Variants in CAST observed in about 807,000 individuals in gnomAD.
CAST encodes MIR583 host.
Under a neutral mutation model 119.6 loss-of-function variants are expected in CAST, and 76 were observed. The ratio of observed to expected loss-of-function variants is 0.64; its 90% CI spans 0.53 to 0.77. CAST has a LOEUF of 0.77. Among genes scored for constraint, CAST ranks in the 30% least tolerant of loss-of-function variants. The probability of loss-of-function intolerance (pLI) is 0.00; values close to 1 mark genes in which losing one functional copy is unlikely to be tolerated. For missense variants in CAST, 953 were observed against 946.5 expected, an observed-to-expected ratio of 1.01 and a Z score of -0.09; for synonymous variants, 319 against 331.6, an observed-to-expected ratio of 0.96 and a Z score of 0.41.
intron 4 of CAST, among the ~76,000 whole-genome samples, chr5:96,726,351 C>G (rs1759244820): frequency 6.6e-6 from 1 of 152,166 alleles, no homozygotes; most frequent in South Asian, 2.1e-4. Context: ...AATTCGATCT[C>G]TGCATACAGG....
the CAST span, among the ~76,000 whole-genome samples, chr5:96,219,292 A>G: frequency 2.3e-4 from 35 of 152,260 alleles, no homozygotes; most frequent in Non-Finnish European, 1.2e-4. Context: ...TACTTCTATT[A>G]TGCATTCAGG....
chr5:96,769,836 CTG>C (rs1771597324), intron 29 of CAST: 1 of 149,354 alleles, frequency 6.7e-6, no homozygotes, highest in Non-Finnish European at 1.5e-5. Context: ...ACTTTTCTTT[CTG>C]TGTCTGGCTT....
At position 96,586,200 on chromosome 5, in the gene CAST, A is replaced by G. The variant is rs555276684; in HGVS notation, c.60+56320A>G. ...TTGCCCACTACTAGGTGGTGGTAGC[A>G]CTAGCTCTTTGAGGGTCAATAAGGT... On this transcript the variant is annotated intron_variant, in intron 1 of 11. Transcript: ENST00000505143. 3.9e-5 allele frequency among the ~76,000 whole-genome samples: 6 copies of G among 152,336 alleles called. No individual in the cohort carries two copies. The South Asian group carries it at 1.2e-3, about 32-fold the overall frequency.
intron 1 of CAST, among the ~76,000 whole-genome samples, chr5:96,543,399 G>A (rs1440792312): frequency 6.6e-6 from 1 of 152,118 alleles, no homozygotes; most frequent in Non-Finnish European, 1.5e-5. Flanking sequence ...GGGGCAAGGG[G>A]AGGGATAACA....
the CAST span, among the ~76,000 whole-genome samples, chr5:96,108,500 G>A: frequency 6.6e-6 from 1 of 152,240 alleles, no homozygotes; most frequent in South Asian, 2.1e-4. Context: ...GTGTCAGTCT[G>A]CCCCTGCTGG....
chr5:96,114,039 T>C, the CAST span, among the ~76,000 whole-genome samples: 1 of 152,208 alleles, frequency 6.6e-6, no homozygotes, highest in Non-Finnish European at 1.5e-5. Context: ...AAACATGTTT[T>C]TTAAAGTACC....
chr5:96,002,031 A>T, the CAST span, among the ~76,000 whole-genome samples: 1 of 152,234 alleles, frequency 6.6e-6, no homozygotes, highest in Non-Finnish European at 1.5e-5. Flanking sequence ...AGGGCTGCTT[A>T]TATGTGAGTA....
chr5:96,445,822 A>C, the CAST span, among the ~76,000 whole-genome samples: 1 of 152,148 alleles, frequency 6.6e-6, no homozygotes, highest in South Asian at 2.1e-4. Flanking sequence ...GGGGTAATGG[A>C]GGTGAAGTGT....
chr5:96,322,048 C>T, the CAST span, among the ~76,000 whole-genome samples: 52 of 152,134 alleles, frequency 3.4e-4, no homozygotes, highest in African/African-American at 1.2e-3. Context: ...CTGTCTATTG[C>T]CAAAATAATT....
chr5:96,332,229 T>G, the CAST span, among the ~76,000 whole-genome samples: 1 of 152,148 alleles, frequency 6.6e-6, no homozygotes, highest in Non-Finnish European at 1.5e-5. Flanking sequence ...TCACACCATT[T>G]ATTATAAGAC....
chr5:96,563,651 TA>T (rs796796955), intron 1 of CAST, among the ~76,000 whole-genome samples: 41 of 110,564 alleles, frequency 3.7e-4, no homozygotes, highest in East Asian at 1.2e-3. Context: ...GTATTACTTA[TA>T]AAAAAAAAGC....
the CAST span, among the ~76,000 whole-genome samples, chr5:96,127,566 A>G: frequency 6.6e-6 from 1 of 152,062 alleles, no homozygotes; most frequent in Non-Finnish European, 1.5e-5. Context: ...GAGAAGTCCA[A>G]ATATATTTTC....
In CAST at chr5:96,556,117, C is replaced by T. The variant is rs574865309; in HGVS notation, c.60+26237C>T. On this transcript the variant is annotated intron_variant, in intron 1 of 11. Coordinates refer to the CAST transcript ENST00000505143. ...GCAAACAGGGTCTGGAGTGGACCTCCAGAAAACTCCAACAGACCTGCAGCT... is the reference window on the plus strand; with the variant it reads ...GCAAACAGGGTCTGGAGTGGACCTCTAGAAAACTCCAACAGACCTGCAGCT... Among the ~76,000 whole-genome samples, 8 of 152,294 alleles carry T rather than the reference C, an allele frequency of 5.3e-5. No individual in the cohort carries two copies. In the East Asian group the frequency reaches 5.8e-4, roughly 11 times the overall value.
the CAST span, among the ~76,000 whole-genome samples, chr5:96,290,615 T>A: frequency 6.6e-6 from 1 of 152,172 alleles, no homozygotes. Flanking sequence ...AACAAATGCA[T>A]TCAGAGTGAA....
At chr5:96,458,321 G>T in the CAST span, among the ~76,000 whole-genome samples, 1 of 152,170 alleles carries the variant, frequency 6.6e-6, no homozygotes. Context: ...TCAAACAGTT[G>T]CAAAAGATAC....
At chr5:96,722,905 G>A (rs1477267507) in intron 4 of CAST, among the ~76,000 whole-genome samples, 1 of 152,050 alleles carries the variant, frequency 6.6e-6, no homozygotes. Context: ...CATGGTTTTA[G>A]GTTATCTAGA....
the CAST span, among the ~76,000 whole-genome samples, chr5:96,143,103 A>G: frequency 6.6e-6 from 1 of 152,264 alleles, no homozygotes; most frequent in African/African-American, 2.4e-5. Context: ...TGATATTGTA[A>G]CAACTAAAAG....
the CAST span, among the ~76,000 whole-genome samples, chr5:96,153,692 A>G: frequency 6.6e-6 from 1 of 152,210 alleles, no homozygotes; most frequent in Non-Finnish European, 1.5e-5. Context: ...GTACACAAAT[A>G]CTTATCACTG....
At chr5:96,249,573 TC>T in the CAST span, among the ~76,000 whole-genome samples, 1 of 152,214 alleles carries the variant, frequency 6.6e-6, no homozygotes, top group African/African-American at 2.4e-5. Flanking sequence ...GCCCATCATT[TC>T]TATATAAATT....
Sources: allele counts gnomAD v4.1 joint callset (sites outside exome capture counted in the v4.1 genomes callset), GRCh38; gene constraint gnomAD v4.1.1; transcripts MANE v1.5; gene names NCBI Gene and HGNC (gene_info 2026-07-23, HGNC 2026-07-21).